The following CSMD1 variants were observed in gnomAD, a reference collection of about 807,000 sequenced individuals.
CSMD1 encodes CUB and Sushi multiple domains 1, also known as CUB and sushi domain-containing protein 1.
In CSMD1, 213 loss-of-function variants were observed where a neutral mutation model predicts 417.5. The observed-to-expected ratio is 0.51, with a 90% CI of 0.46 to 0.57. CSMD1 has a LOEUF of 0.57. CSMD1 is among the 20% of genes least tolerant of loss of function. CSMD1 has a pLI of 0.00. For missense variants in CSMD1, 6,923 were observed against 4,529.7 expected (o/e 1.53, Z -15.17); for synonymous variants, 2,862 against 1,736.8 (o/e 1.65, Z -16.11).
intron 7 of CSMD1, among the ~76,000 whole-genome samples, chr8:3,643,787 G>A (rs950752097): frequency 2.0e-5 from 3 of 150,836 alleles, no homozygotes; most frequent in African/African-American, 4.9e-5. Context: ...TCACCCACCA[G>A]TAATACAGAG....
chr8:4,110,072 C>A (rs542150096), intron 3 of CSMD1, among the ~76,000 whole-genome samples: 13 of 152,106 alleles, frequency 8.5e-5, no homozygotes, highest in African/African-American at 3.1e-4. Context: ...CCAATGATCA[C>A]GTGGAATAAT....
chr8:4,529,049 A>T (rs1796664993), intron 2 of CSMD1, among the ~76,000 whole-genome samples: 2 of 152,092 alleles, frequency 1.3e-5, no homozygotes, highest in African/African-American at 2.4e-5. Flanking sequence ...GTGTTTTTTT[A>T]AAAAATGATG....
intron 1 of CSMD1, among the ~76,000 whole-genome samples, chr8:4,905,738 T>C (rs573640898): frequency 3.5e-5 from 5 of 143,748 alleles, no homozygotes; most frequent in Admixed American, 1.5e-4. Flanking sequence ...GAGAATGGCG[T>C]GAAACCGGGA....
intron 7 of CSMD1, among the ~76,000 whole-genome samples, chr8:3,640,889 T>A (rs1797272632): frequency 6.6e-6 from 1 of 152,056 alleles, no homozygotes; most frequent in African/African-American, 2.4e-5. Context: ...CAGTATCCAA[T>A]ATGTGGCATT....
At chr8:3,860,198 G>T (rs1804602962) in intron 5 of CSMD1, among the ~76,000 whole-genome samples, 1 of 152,116 alleles carries the variant, frequency 6.6e-6, no homozygotes, top group Non-Finnish European at 1.5e-5. Context: ...TGATTCATAT[G>T]AAAGTAGGAA....
chr8:3,162,723 A>T (rs1308737834), intron 37 of CSMD1, among the ~76,000 whole-genome samples: 1 of 152,032 alleles, frequency 6.6e-6, no homozygotes, highest in African/African-American at 2.4e-5. Flanking sequence ...TCTACAAAAA[A>T]AAAAAAGAGA....
intron 5 of CSMD1, among the ~76,000 whole-genome samples, chr8:3,904,236 G>C (rs542175567): frequency 1.1e-4 from 17 of 152,298 alleles, no homozygotes; most frequent in African/African-American, 3.9e-4. Context: ...AGCTGAGTTA[G>C]GGTAGAGACG....
At chr8:4,626,190 G>A (rs1802100175) in intron 2 of CSMD1, among the ~76,000 whole-genome samples, 1 of 152,110 alleles carries the variant, frequency 6.6e-6, no homozygotes, top group African/African-American at 2.4e-5. Flanking sequence ...GTTTTCTTTA[G>A]CTCAGTTTTC....
chr8:3,796,094 A>G lies in CSMD1; in HGVS notation c.819-42052T>C, dbSNP rs1224006693. On this transcript the variant is annotated intron_variant, in intron 5 of 69. Coordinates refer to ENST00000635120, the MANE Select transcript of CSMD1 (RefSeq NM_033225.6). ...TCATAGATATAGATATATATCTATC[A>G]TAGATATAGATATATATCTATCATA... Among the ~76,000 whole-genome samples the G allele has an allele frequency of 4.5e-3, 94 of 21,032 alleles. 19 individuals are homozygous for G. Among genetic ancestry groups the G allele is most frequent in the African/African-American group, 0.012 (87 of 7,084 alleles). The allele number at this position is 21,032 out of a possible 152,430, so 13.8% of individuals were successfully genotyped here.
intron 2 of CSMD1, among the ~76,000 whole-genome samples, chr8:4,536,752 A>T (rs530794620): frequency 6.6e-6 from 1 of 152,318 alleles, no homozygotes; most frequent in South Asian, 2.1e-4. Flanking sequence ...TATATTTTTG[A>T]ATAGATTCCT....
Position 4,738,895 on chromosome 8 carries a change from C to CTGCGTGTTTGTGTGTGTGTG in CSMD1, c.86-101338_86-101337insCACACACACACAAACACGCA, listed in dbSNP as rs1554464157. On this transcript the variant is annotated intron_variant, in intron 1 of 69. Transcript: ENST00000635120. ...ATAGTCATCTATTATACTTAAAATT[C>CTGCGTGTTTGTGTGTGTGTG]TGTGTGTTTGTGTGTGTGTGTGTGT... Among the ~76,000 whole-genome samples the CTGCGTGTTTGTGTGTGTGTG allele has an allele frequency of 8.5e-5, 3 of 35,100 alleles. No homozygotes were observed. The South Asian group carries it at 2.0e-3, about 24-fold the overall frequency. 23.0% of individuals were successfully genotyped at this position (35,100 alleles called of 152,430 possible).
intron 18 of CSMD1, among the ~76,000 whole-genome samples, chr8:3,387,133 C>G (rs924191367): frequency 1.3e-5 from 2 of 152,166 alleles, no homozygotes; most frequent in Non-Finnish European, 2.9e-5. Context: ...AAGTGAGACA[C>G]TGGGACGTAT....
intron 3 of CSMD1, among the ~76,000 whole-genome samples, chr8:4,065,705 A>C (rs1799210145): frequency 6.6e-6 from 1 of 152,226 alleles, no homozygotes; most frequent in Non-Finnish European, 1.5e-5. Context: ...CACCACATGT[A>C]TCTGTGCTAG....
intron 3 of CSMD1, among the ~76,000 whole-genome samples, chr8:4,254,272 G>C (rs531522384): frequency 3.2e-4 from 48 of 152,026 alleles, no homozygotes; most frequent in Non-Finnish European, 6.0e-4. Flanking sequence ...GCGAACACCT[G>C]TGCCAGTTAC....
intron 26 of CSMD1, among the ~76,000 whole-genome samples, chr8:3,275,675 C>T (rs1481309046): frequency 1.3e-5 from 2 of 152,152 alleles, no homozygotes; most frequent in South Asian, 2.1e-4. Context: ...TCATTTCATT[C>T]ATTTCATCTT....
At position 4,353,255 on chromosome 8, in the gene CSMD1, G is replaced by A. The variant is rs117784699; in HGVS notation, c.415+66698C>T. ...TTTCCCCCAGACTGTTCTTCTGGTA[G>A]TAAGTCTCAGGAGATCTGATGGTTT... On this transcript the variant is annotated intron_variant, in intron 3 of 69. Transcript: ENST00000635120. 2.6e-5 allele frequency among the ~76,000 whole-genome samples: 4 copies of A among 152,210 alleles called. No homozygotes were observed. The East Asian group carries it at 5.8e-4, about 22-fold the overall frequency.
intron 2 of CSMD1, among the ~76,000 whole-genome samples, chr8:4,437,767 G>A (rs1219124899): frequency 6.6e-6 from 1 of 152,104 alleles, no homozygotes; most frequent in Non-Finnish European, 1.5e-5. Context: ...TGTGAAGACA[G>A]AGATCTTTGA....
intron 2 of CSMD1, among the ~76,000 whole-genome samples, chr8:4,439,635 T>A (rs1019891271): frequency 6.6e-6 from 1 of 152,126 alleles, no homozygotes; most frequent in Non-Finnish European, 1.5e-5. Context: ...AACAGCACCA[T>A]AAGGCAAAAT....
intron 3 of CSMD1, among the ~76,000 whole-genome samples, chr8:4,197,035 GTTAAAT>G (rs1320452149): frequency 6.6e-6 from 1 of 151,858 alleles, no homozygotes; most frequent in African/African-American, 2.4e-5. Context: ...TTCCTTTTCT[GTTAAAT>G]TTAACAATTA....
Sources: gnomAD v4.1 joint callset for allele counts (sites outside exome capture counted in the v4.1 genomes callset) on GRCh38, gnomAD v4.1.1 for gene constraint, MANE v1.5 for transcripts, NCBI Gene and HGNC (gene_info 2026-07-23, HGNC 2026-07-21) for gene names.